Variants in KRT85 observed in about 807,000 individuals in gnomAD.
KRT85 encodes the protein keratin, type II cuticular Hb5.
KRT85 carries 39 observed loss-of-function variants against 53.7 expected under a neutral mutation model. The observed-to-expected ratio is 0.73, with a 90% CI of 0.56 to 0.95. KRT85 has a LOEUF of 0.95. Among genes scored for constraint, KRT85 ranks in the 40% least tolerant of loss-of-function variants. KRT85 has a pLI of 0.00. For synonymous variants in KRT85, 291 were observed against 277.5 expected, an observed-to-expected ratio of 1.05 and a Z score of -0.48; for missense variants, 668 against 686.0, an observed-to-expected ratio of 0.97 and a Z score of 0.29.
intron 1 of KRT85, 32 bp from the exon 2 acceptor site, chr12:52,365,202 G>A: frequency 6.2e-7 from 1 of 1,610,898 alleles, no homozygotes; most frequent in Non-Finnish European, 8.5e-7. Flanking sequence ...GAAGTCAGAG[G>A]GAGCCTGGGG....
intron 6 of KRT85, 143 bp downstream of exon 6, chr12:52,362,711 A>G: frequency 4.3e-6 from 6 of 1,381,300 alleles, no homozygotes; most frequent in South Asian, 1.2e-5. Context: ...AGTCAGTGAC[A>G]TGGTCTGATT....
rs1488792645 is a variant in KRT85, at chr12:52,362,453, C to A, written c.1096G>T (p.Ala366Ser). 2 of 1,614,172 alleles carry A rather than the reference C, an allele frequency of 1.2e-6. No individual in the cohort carries two copies. Among genetic ancestry groups the A allele is most frequent in the Non-Finnish European group, 1.7e-6 (2 of 1,180,024 alleles). ...AKCQRAKLEA[A>S]VAEAEQQGEA... ...CCCTGCTGCTCTGCCTCAGCCACAG[C>A]AGCCTCCAGCTTGGCACGCTATCAG... The change falls in exon 7 of 9, where the codon GCT becomes TCT. Residue 366 changes from alanine to serine, a missense_variant. Transcript: ENST00000257901.
chr12:52,361,140 C>T (rs1004196027), intron 8 of KRT85, 94 bp from the exon 9 acceptor site: 71 of 1,114,722 alleles, frequency 6.4e-5, no homozygotes, highest in Non-Finnish European at 9.1e-5. Context: ...CTGCCTCCCT[C>T]TCCAAGGAAT....
intron 7 of KRT85, among the ~76,000 whole-genome samples, chr12:52,361,797 C>T (rs539637909): frequency 1.3e-5 from 2 of 151,910 alleles, no homozygotes; most frequent in Admixed American, 6.6e-5. Flanking sequence ...GAATCAGATA[C>T]ACCAGGGTGT....
Position 52,365,101 on chromosome 12 carries a change from A to G in KRT85, c.490T>C (p.Cys164Arg). Residue 164 changes from cysteine to arginine, a missense_variant, in exon 2 of 9, where the codon TGC (cysteine) becomes CGC (arginine). Physicochemically the swap from Cys to Arg is radical, Grantham distance 180. Coordinates refer to ENST00000257901, the MANE Select transcript of KRT85 (RefSeq NM_002283.4). Reference protein sequence around the residue: ...KWQFYQNQRCCESNLEPLFSG... With the variant: ...KWQFYQNQRCRESNLEPLFSG... ...AACAGTGGCTCCAGGTTGCTCTCGCAGCAGCGCTGGTTCTGGTAGAACTGC... is the reference window on the plus strand; with the variant it reads ...AACAGTGGCTCCAGGTTGCTCTCGCGGCAGCGCTGGTTCTGGTAGAACTGC... 6.2e-7 allele frequency: 1 copy of G among 1,614,190 alleles called. No individual in the cohort carries two copies. Among genetic ancestry groups the G allele is most frequent in the Non-Finnish European group, 8.5e-7 (1 of 1,180,048 alleles).
chr12:52,360,769 CA>C lies in KRT85; in HGVS notation c.*83del. On this transcript the variant is annotated 3_prime_UTR_variant, in exon 9 of 9. Transcript: ENST00000257901. ...ACATCCAGAAGATTCTGGAAGCAAG[CA>C]CACATTTTCCATTCACATGCCATTC... is the stretch of plus-strand genomic sequence containing the variant. 7.1e-7 allele frequency: 1 copy of C among 1,414,406 alleles called. No homozygotes were observed. Among genetic ancestry groups the C allele is most frequent in the Non-Finnish European group, 1.0e-6 (1 of 1,000,590 alleles). 87.6% of individuals were successfully genotyped at this position (1,414,406 alleles called of 1,614,324 possible). A position where few individuals can be genotyped will look rare whatever the true frequency, so the allele number is the denominator to read the frequency against.
chr12:52,365,759 G>T (rs1474267755), intron 1 of KRT85, among the ~76,000 whole-genome samples: 1 of 152,108 alleles, frequency 6.6e-6, no homozygotes, highest in Non-Finnish European at 1.5e-5. Flanking sequence ...ACCCCATGTT[G>T]CACATGGGGA....
At chr12:52,364,185 G>A in intron 3 of KRT85, 22 bp from the exon 4 acceptor site, 1 of 1,613,670 alleles carries the variant, frequency 6.2e-7, no homozygotes, top group Non-Finnish European at 8.5e-7. Context: ...ACAAAGAGGA[G>A]GGGACATGCA....
chr12:52,360,174 C>T lies in KRT85; in HGVS notation c.*679G>A, dbSNP rs1166809175. On this transcript the variant is annotated 3_prime_UTR_variant, in exon 9 of 9. Coordinates refer to ENST00000257901, the MANE Select transcript of KRT85 (RefSeq NM_002283.4). The stretch of plus-strand genomic sequence containing the variant: ...CCAGCAAGGGGGCATCTGGAGCAGC[C>T]ATGGAGTCTTCTTTGAAATGTACAA... 1 of 158,054 alleles carries T rather than the reference C, an allele frequency of 6.3e-6. No homozygotes were observed. Among genetic ancestry groups the T allele is most frequent in the Non-Finnish European group, 1.4e-5 (1 of 71,608 alleles). 9.8% of individuals were successfully genotyped at this position (158,054 alleles called of 1,614,324 possible).
In KRT85 at chr12:52,360,507, A is replaced by G. The variant is rs936964663; in HGVS notation, c.*346T>C. The G allele has an allele frequency of 9.5e-6, 3 of 316,912 alleles. No individual in the cohort carries two copies. In the Admixed American group the frequency reaches 1.4e-4, roughly 15 times the overall value. 19.6% of individuals were successfully genotyped at this position (316,912 alleles called of 1,614,324 possible). On this transcript the variant is annotated 3_prime_UTR_variant, in exon 9 of 9. Transcript: ENST00000257901. ...GGTTAGGATGGCGCCTCCACCCAGA[A>G]GGTGGAGCTTCCGTGCTGACCACCA...
At chr12:52,361,150 T>G (rs1195312890) in intron 8 of KRT85, 104 bp from the exon 9 acceptor site, 1 of 1,033,292 alleles carries the variant, frequency 9.7e-7, no homozygotes, top group African/African-American at 1.6e-5. Flanking sequence ...CTCCAAGGAA[T>G]TGGTGGTCAA....
intron 1 of KRT85, 49 bp from the exon 2 acceptor site, chr12:52,365,219 A>G (rs762719793): frequency 1.3e-6 from 2 of 1,583,126 alleles, no homozygotes; most frequent in Admixed American, 3.4e-5. Context: ...GGGGGGAGGC[A>G]CCTGGTCCCC....
rs759525051 is a variant in KRT85, at chr12:52,362,114, G to GTTA, written c.1298+134_1298+136dup. ...CACAGGTCTAGCACAGAAGCATTCA[G>GTTA]TTATTATTATTATTATTATTGAAGC... On this transcript the variant is annotated intron_variant, in intron 7 of 8. Transcript: ENST00000257901. The GTTA allele has an allele frequency of 5.6e-4, 612 of 1,086,624 alleles. 1 individual carries two copies. In the East Asian group the frequency reaches 8.3e-3, roughly 15 times the overall value. 67.3% of individuals were successfully genotyped at this position (1,086,624 alleles called of 1,614,324 possible).
chr12:52,362,890 C>T lies in KRT85; in HGVS notation c.1041G>A (p.Gln347=), dbSNP rs867282070. ...CATTCTCAATCTCGGCCGTCAGCCT[C>T]TGGATCATGCGGTTCAGCTCGTTGA... The part of the protein sequence containing the change: ...EEINELNRMI[Q]RLTAEIENAK... The change falls in exon 6 of 9, where the codon CAG becomes CAA. Residue 347 remains glutamine, a synonymous_variant. Transcript: ENST00000257901. The T allele has an allele frequency of 3.7e-6, 6 of 1,614,058 alleles. No homozygotes were observed. The highest frequency in any genetic ancestry group is 1.1e-5 in the South Asian group (1 of 91,084).
At position 52,362,840 on chromosome 12, in the gene KRT85, T is replaced by C; in HGVS notation, c.1077+14A>G. ...CTGCCTGTGCTGCGTATTTGAATCC[T>C]CCACAGACCCCACCTGGCACTTGGC... is the stretch of plus-strand genomic sequence containing the variant. On this transcript the variant is annotated intron_variant, in intron 6 of 8. Transcript: ENST00000257901. The C allele has an allele frequency of 6.2e-7, 1 of 1,614,182 alleles. No homozygotes were observed. The highest frequency in any genetic ancestry group is 8.5e-7 in the Non-Finnish European group (1 of 1,180,038).
Position 52,367,116 on chromosome 12 carries a change from G to A in KRT85, c.290C>T (p.Thr97Ile). The change falls in exon 1 of 9, where the codon ACC becomes ATC. Residue 97 changes from threonine (T) to isoleucine (I), a missense_variant. Physicochemically the swap from Thr to Ile is moderately conservative, Grantham distance 89. Coordinates refer to ENST00000257901, the MANE Select transcript of KRT85 (RefSeq NM_002283.4). ...GAGGAGGCTCTCGTTGACCGACACG[G>A]TAGTGATGCATGGGGGGCTGGGTCC... Reference protein sequence around the residue: ...VCGPSPPCITTVSVNESLLTP... With the variant: ...VCGPSPPCITIVSVNESLLTP... 2.5e-6 allele frequency: 4 copies of A among 1,613,402 alleles called. No individual in the cohort carries two copies. Among genetic ancestry groups the A allele is most frequent in the Non-Finnish European group, 3.4e-6 (4 of 1,179,988 alleles).
intron 1 of KRT85, 87 bp from the exon 2 acceptor site, chr12:52,365,257 C>T (rs558971508): frequency 1.5e-6 from 2 of 1,375,566 alleles, no homozygotes; most frequent in African/African-American, 2.8e-5. Context: ...CGGGTGCTGG[C>T]TGAATGGGCT....
intron 2 of KRT85, chr12:52,364,688 T>C: frequency 7.0e-7 from 1 of 1,434,792 alleles, no homozygotes; most frequent in Non-Finnish European, 9.1e-7. Flanking sequence ...GTCATAAAGG[T>C]AAGCTGTGAA....
chr12:52,362,549 C>A, intron 6 of KRT85, 78 bp from the exon 7 acceptor site: 1 of 1,562,566 alleles, frequency 6.4e-7, no homozygotes, highest in Non-Finnish European at 8.7e-7. Context: ...GGAGCCAGGG[C>A]AGGGAGAGGA....
Sources: gnomAD v4.1 joint callset for allele counts (sites outside exome capture counted in the v4.1 genomes callset) on GRCh38, gnomAD v4.1.1 for gene constraint, MANE v1.5 for transcripts, NCBI Gene and HGNC (gene_info 2026-07-23, HGNC 2026-07-21) for gene names.